Variants in CASP4 observed in about 807,000 individuals in gnomAD.
CASP4 encodes caspase 4.
In CASP4, 29 loss-of-function variants were observed where a neutral mutation model predicts 41.3. The ratio of observed to expected loss-of-function variants is 0.70; its 90% CI spans 0.52 to 0.96. The LOEUF (loss-of-function observed/expected upper bound fraction) is 0.96. Among genes scored for constraint, CASP4 ranks in the 40% least tolerant of loss-of-function variants. CASP4 has a pLI of 0.00. For missense variants in CASP4, 447 were observed against 460.6 expected (o/e 0.97, Z 0.27); for synonymous variants, 185 against 158.4 (o/e 1.17, Z -1.26).
At chr11:104,955,244 C>T in intron 1 of CASP4, among the ~76,000 whole-genome samples, 1 of 151,672 alleles carries the variant, frequency 6.6e-6, no homozygotes, top group South Asian at 2.1e-4. Flanking sequence ...CTTTTAGCTT[C>T]TCAACTTCCT....
At chr11:104,966,869 C>CA (rs1860986533) in intron 1 of CASP4, among the ~76,000 whole-genome samples, 1 of 152,162 alleles carries the variant, frequency 6.6e-6, no homozygotes, top group African/African-American at 2.4e-5. Context: ...TAAGTATCCC[C>CA]TTCAACTACA....
In CASP4 at chr11:104,954,749, T is replaced by G; in HGVS notation, c.260A>C (p.Lys87Thr). Residue 87 changes from lysine (K) to threonine (T), a missense_variant and splice_region_variant, in exon 2 of 9, where the codon AAA becomes ACA. Transcript: ENST00000444739. ...CATTGTAAAAAATCCAGTCTTACCT[T>G]TTTTATTGGGGGATATTTGGTCTAT... The part of the protein sequence containing the change: ...FNIDQISPNK[K>T]AHPNMEAGPP... 1.2e-6 allele frequency: 2 copies of G among 1,612,374 alleles called. No homozygotes were observed. The highest frequency in any genetic ancestry group is 1.1e-5 in the South Asian group (1 of 90,796).
intron 1 of CASP4, among the ~76,000 whole-genome samples, chr11:104,962,554 A>C (rs1173683474): frequency 6.6e-6 from 1 of 152,246 alleles, no homozygotes; most frequent in Non-Finnish European, 1.5e-5. Flanking sequence ...AAGCCAGCTC[A>C]GCAGGCTGGC....
At chr11:104,950,792 T>TTG in intron 4 of CASP4, 133 bp downstream of exon 4, 1 of 153,300 alleles carries the variant, frequency 6.5e-6, no homozygotes, top group Non-Finnish European at 1.1e-5. Context: ...TACTCTTATT[T>TTG]TGTATACACA....
At chr11:104,952,577 G>A (rs1189901774) in intron 2 of CASP4, among the ~76,000 whole-genome samples, 1 of 152,078 alleles carries the variant, frequency 6.6e-6, no homozygotes, top group Non-Finnish European at 1.5e-5. Flanking sequence ...ATACAGGATG[G>A]AACAAAATCC....
At chr11:104,962,073 G>C (rs1363710414) in intron 1 of CASP4, among the ~76,000 whole-genome samples, 1 of 152,174 alleles carries the variant, frequency 6.6e-6, no homozygotes, top group Non-Finnish European at 1.5e-5. Flanking sequence ...AATTCTGCTG[G>C]GATAGAAAAT....
intron 3 of CASP4, chr11:104,951,662 G>A: frequency 1.8e-6 from 1 of 553,252 alleles, no homozygotes; most frequent in Non-Finnish European, 3.3e-6. Context: ...ATAAATACAG[G>A]AGCAATAGAA....
At chr11:104,966,550 C>T (rs1214757911) in intron 1 of CASP4, among the ~76,000 whole-genome samples, 2 of 152,170 alleles carry the variant, frequency 1.3e-5, no homozygotes, top group Admixed American at 6.5e-5. Context: ...GGGCTTGGCA[C>T]TGAGACCTGA....
chr11:104,943,059 C>T (rs1425821488), intron 8 of CASP4, 86 bp from the exon 9 acceptor site: 2 of 440,576 alleles, frequency 4.5e-6, no homozygotes, highest in Non-Finnish European at 9.1e-6. Flanking sequence ...TTCTTGCATC[C>T]TCTTCCATGT....
At chr11:104,956,817 C>T (rs1280992083) in intron 1 of CASP4, 2 of 157,016 alleles carry the variant, frequency 1.3e-5, no homozygotes, top group Admixed American at 6.6e-5. Context: ...GAGTTCTGGG[C>T]TTCTGTTTTA....
intron 1 of CASP4, among the ~76,000 whole-genome samples, chr11:104,965,051 CA>C (rs1231473139): frequency 6.6e-6 from 1 of 152,116 alleles, no homozygotes; most frequent in Non-Finnish European, 1.5e-5. Context: ...AATTATGCTT[CA>C]AAAGAAAACA....
chr11:104,954,499 T>C (rs977905818), intron 2 of CASP4, among the ~76,000 whole-genome samples: 2 of 152,164 alleles, frequency 1.3e-5, no homozygotes, highest in African/African-American at 4.8e-5. Context: ...TGTCCCTTAC[T>C]ACAAGGTGTG....
chr11:104,945,409 C>T (rs917816918), intron 7 of CASP4, among the ~76,000 whole-genome samples: 25 of 152,032 alleles, frequency 1.6e-4, no homozygotes, highest in African/African-American at 4.1e-4. Flanking sequence ...CCCACCACCA[C>T]GCCTAGCTAA....
rs1453649811 is a variant in CASP4 at position 104,968,499 on chromosome 11, C to A, written c.7+20G>T. On this transcript the variant is annotated intron_variant, in intron 1 of 8. Coordinates refer to ENST00000444739, the MANE Select transcript of CASP4 (RefSeq NM_001225.4). The stretch of plus-strand genomic sequence containing the variant: ...TTTCTAAGTTCCTACTCCCAAACTC[C>A]TAGTCAGAAAAGGACTCACCTGCCA... 13 of 1,610,860 alleles carry A rather than the reference C, an allele frequency of 8.1e-6. No individual in the cohort carries two copies. The highest frequency in any genetic ancestry group is 1.6e-4 in the Middle Eastern group (1 of 6,070).
intron 7 of CASP4, chr11:104,946,551 T>C (rs1251840699): frequency 1.3e-5 from 2 of 152,212 alleles, no homozygotes; most frequent in African/African-American, 4.8e-5. Context: ...GTAGCAAACC[T>C]TTCCTTCTGC....
At chr11:104,947,213 A>G (rs1304305131) in intron 6 of CASP4, 21 bp from the exon 7 acceptor site, 8 of 1,429,814 alleles carry the variant, frequency 5.6e-6, no homozygotes, top group African/African-American at 1.4e-5. Context: ...ACAGATGGGT[A>G]TGCCTTGGGC....
chr11:104,967,006 T>A (rs1860989501), intron 1 of CASP4, among the ~76,000 whole-genome samples: 1 of 152,234 alleles, frequency 6.6e-6, no homozygotes, highest in Admixed American at 6.5e-5. Flanking sequence ...TTTTTGTTAT[T>A]ATAATAATCA....
At chr11:104,950,716 T>C (rs540601736) in intron 4 of CASP4, among the ~76,000 whole-genome samples, 99 of 152,110 alleles carry the variant, frequency 6.5e-4, no homozygotes, top group Middle Eastern at 3.4e-3. Context: ...GTCAATCATG[T>C]TTAGTCTAGT....
intron 1 of CASP4, among the ~76,000 whole-genome samples, chr11:104,955,857 T>C (rs1363423242): frequency 6.6e-6 from 1 of 152,132 alleles, no homozygotes; most frequent in Non-Finnish European, 1.5e-5. Context: ...GCTACAAAGA[T>C]AATTATACAA....
Sources: allele counts gnomAD v4.1 joint callset (sites outside exome capture counted in the v4.1 genomes callset), GRCh38; gene constraint gnomAD v4.1.1; transcripts MANE v1.5; gene names NCBI Gene and HGNC (gene_info 2026-07-23, HGNC 2026-07-21).